RIC8B: variants seen among roughly 807,000 people sequenced by gnomAD.
RIC8B encodes chaperone Ric-8B.
RIC8B carries 16 observed loss-of-function variants against 57.5 expected under a neutral mutation model. The ratio of observed to expected loss-of-function variants is 0.28; its 90% CI spans 0.19 to 0.42. RIC8B has a LOEUF of 0.42. Ranked by LOEUF, RIC8B falls within the 10% of genes least tolerant of loss-of-function variation. The probability of loss-of-function intolerance (pLI) is 1.00; values close to 1 mark genes in which losing one functional copy is unlikely to be tolerated. For synonymous variants in RIC8B, 216 were observed against 250.8 expected (o/e 0.86, Z 1.31); for missense variants, 481 against 677.0 (o/e 0.71, Z 3.21).
At chr12:106,846,541 GATTA>G (rs913259726) in intron 6 of RIC8B, among the ~76,000 whole-genome samples, 9 of 152,206 alleles carry the variant, frequency 5.9e-5, no homozygotes, top group Admixed American at 2.6e-4. Context: ...ATTTAGGCAA[GATTA>G]ATTAATTAAT....
At chr12:106,874,796 C>T (rs910804304) in intron 9 of RIC8B, among the ~76,000 whole-genome samples, 23 of 152,054 alleles carry the variant, frequency 1.5e-4, no homozygotes, top group Admixed American at 1.4e-3. Flanking sequence ...CCATTGAATA[C>T]CAGCTGACTT....
intron 7 of RIC8B, among the ~76,000 whole-genome samples, chr12:106,856,137 C>T (rs1408128556): frequency 3.9e-5 from 6 of 152,102 alleles, no homozygotes; most frequent in Non-Finnish European, 7.4e-5. Context: ...CATTCTGTTC[C>T]CACACCACCA....
At chr12:106,802,647 T>A (rs2044787599) in intron 2 of RIC8B, among the ~76,000 whole-genome samples, 1 of 151,722 alleles carries the variant, frequency 6.6e-6, no homozygotes, top group South Asian at 2.1e-4. Context: ...CTGGCCTGGT[T>A]TAGCCCAGAA....
chr12:106,874,358 C>T lies in RIC8B; in HGVS notation c.1571+3416C>T, dbSNP rs886088494. The T allele has an allele frequency of 2.9e-5, 21 of 732,142 alleles. No homozygotes were observed. In the Admixed American group the frequency reaches 4.5e-4, roughly 16 times the overall value. 45.4% of individuals were successfully genotyped at this position (732,142 alleles called of 1,614,324 possible). A position where few individuals can be genotyped will look rare whatever the true frequency, so the allele number is the denominator to read the frequency against. Reference sequence around the variant, plus strand: ...ACCATAGCTTTGTCTGATTAACTTTCCTTCTCAAAAATGAAATGGTTTTCT... The same window carrying T: ...ACCATAGCTTTGTCTGATTAACTTTTCTTCTCAAAAATGAAATGGTTTTCT... On this transcript the variant is annotated intron_variant, in intron 9 of 9. Transcript: ENST00000392837.
At chr12:106,775,062 G>A (rs1458993774) in intron 1 of RIC8B, 1 of 551,658 alleles carries the variant, frequency 1.8e-6, no homozygotes, top group Non-Finnish European at 3.3e-6. Context: ...CCAGCAGCTT[G>A]ACCTCCGGTC....
At chr12:106,826,685 G>T (rs754703408) in intron 4 of RIC8B, among the ~76,000 whole-genome samples, 4 of 152,202 alleles carry the variant, frequency 2.6e-5, no homozygotes, top group Non-Finnish European at 5.9e-5. Context: ...AACCTGGGAG[G>T]TGGAGGTTGC....
At chr12:106,858,775 A>G (rs980163923) in intron 7 of RIC8B, among the ~76,000 whole-genome samples, 1 of 152,088 alleles carries the variant, frequency 6.6e-6, no homozygotes, top group Non-Finnish European at 1.5e-5. Flanking sequence ...CCAGTTTGCT[A>G]TATTATTTGA....
At chr12:106,795,018 A>T (rs1052015355) in intron 2 of RIC8B, among the ~76,000 whole-genome samples, 2 of 152,210 alleles carry the variant, frequency 1.3e-5, no homozygotes, top group African/African-American at 4.8e-5. Flanking sequence ...GGTGAATGGG[A>T]GCAAAGCTGT....
Position 106,851,524 on chromosome 12 carries a change from C to T in RIC8B, c.1236C>T (p.Leu412=). The T allele has an allele frequency of 6.2e-7, 1 of 1,613,530 alleles. No homozygotes were observed. The change falls in exon 7 of 10, where the codon CTC becomes CTT. Residue 412 remains leucine, a synonymous_variant. Transcript: ENST00000392837. ...GSTVRNKLVR[L]MTHVDLGVKQ... Reference sequence around the variant, plus strand: ...CTGTGAGAAATAAGCTGGTGCGCCTCATGACACATGTTGACCTTGGAGTCA... The same window carrying T: ...CTGTGAGAAATAAGCTGGTGCGCCTTATGACACATGTTGACCTTGGAGTCA...
intron 4 of RIC8B, among the ~76,000 whole-genome samples, chr12:106,831,662 T>G (rs1271648257): frequency 6.6e-6 from 1 of 152,232 alleles, no homozygotes; most frequent in Non-Finnish European, 1.5e-5. Context: ...TCAACAAGAC[T>G]TCAGGGCAGA....
chr12:106,792,894 CT>C (rs1220437798), intron 2 of RIC8B, among the ~76,000 whole-genome samples: 1 of 152,222 alleles, frequency 6.6e-6, no homozygotes, highest in Admixed American at 6.5e-5. Flanking sequence ...AGATAGAACT[CT>C]TCTCCAAACT....
chr12:106,857,654 C>A (rs1420697844), intron 7 of RIC8B, among the ~76,000 whole-genome samples: 1 of 152,124 alleles, frequency 6.6e-6, no homozygotes, highest in Non-Finnish European at 1.5e-5. Flanking sequence ...TATTTTAGAA[C>A]CACCCAGAAA....
chr12:106,868,572 G>T, intron 8 of RIC8B: 1 of 279,636 alleles, frequency 3.6e-6, no homozygotes, highest in Non-Finnish European at 7.2e-6. Flanking sequence ...TATTTTCAGT[G>T]TGGCATCTGG....
intron 8 of RIC8B, among the ~76,000 whole-genome samples, chr12:106,868,864 T>C (rs1323086814): frequency 6.8e-6 from 1 of 147,756 alleles, no homozygotes; most frequent in African/African-American, 2.5e-5. Context: ...TTTTTTTTTT[T>C]TTTTTTTTGA....
chr12:106,808,555 T>C (rs1378006376), intron 2 of RIC8B, among the ~76,000 whole-genome samples: 2 of 152,196 alleles, frequency 1.3e-5, no homozygotes, highest in Non-Finnish European at 2.9e-5. Flanking sequence ...TTCTAAAATA[T>C]AATAAAAATT....
intron 4 of RIC8B, among the ~76,000 whole-genome samples, chr12:106,828,028 G>A (rs981164259): frequency 2.6e-5 from 4 of 152,156 alleles, no homozygotes; most frequent in Non-Finnish European, 1.5e-5. Context: ...TGTAATAGAG[G>A]TTTTTAAAAT....
At chr12:106,777,762 A>G (rs1273035118) in intron 1 of RIC8B, among the ~76,000 whole-genome samples, 2 of 152,216 alleles carry the variant, frequency 1.3e-5, no homozygotes, top group South Asian at 2.1e-4. Flanking sequence ...TAGGGATAAT[A>G]TCACCATTCT....
At chr12:106,831,937 A>G (rs2046368185) in intron 4 of RIC8B, among the ~76,000 whole-genome samples, 1 of 152,144 alleles carries the variant, frequency 6.6e-6, no homozygotes, top group South Asian at 2.1e-4. Flanking sequence ...GGAGCCTACC[A>G]TTCCACAATC....
At chr12:106,872,851 C>T (rs1950500978) in intron 9 of RIC8B, among the ~76,000 whole-genome samples, 1 of 152,128 alleles carries the variant, frequency 6.6e-6, no homozygotes, top group Non-Finnish European at 1.5e-5. Flanking sequence ...TTAACTGGGC[C>T]ATCTACCCTG....
Sources: gnomAD v4.1 joint callset for allele counts (sites outside exome capture counted in the v4.1 genomes callset) on GRCh38, gnomAD v4.1.1 for gene constraint, MANE v1.5 for transcripts, NCBI Gene and HGNC (gene_info 2026-07-23, HGNC 2026-07-21) for gene names.